The following INPP1 variants were observed in gnomAD, a reference collection of about 807,000 sequenced individuals.
INPP1 encodes inositol polyphosphate-1-phosphatase.
A neutral mutation model predicts 23.0 loss-of-function variants in INPP1; 18 were observed. The ratio of observed to expected loss-of-function variants is 0.78; its 90% CI spans 0.54 to 1.16. The LOEUF is 1.16. Ranked by LOEUF, INPP1 falls within the 50% of genes most tolerant of loss-of-function variation. INPP1 has a pLI of 0.00. For synonymous variants in INPP1, 164 were observed against 176.3 expected (o/e 0.93, Z 0.55); for missense variants, 448 against 482.1 (o/e 0.93, Z 0.66).
At chr2:190,353,912 C>T (rs1689369669) in intron 2 of INPP1, among the ~76,000 whole-genome samples, 1 of 152,170 alleles carries the variant, frequency 6.6e-6, no homozygotes, top group Non-Finnish European at 1.5e-5. Flanking sequence ...GTCTTAAGAA[C>T]CTTTTTTCCT....
intron 3 of INPP1, 144 bp downstream of exon 3, chr2:190,360,450 C>T (rs1689514410): frequency 1.6e-6 from 1 of 632,198 alleles, no homozygotes; most frequent in African/African-American, 1.8e-5. Flanking sequence ...TTTCTTCCTC[C>T]TTGTCATGAT....
Position 190,360,060 on chromosome 2 carries a change from G to A in INPP1, c.-43G>A. Reference sequence around the variant, plus strand: ...CCAGCTGACGGCCCAGAGGGTGGGTGCCAATTCCACCAGCAGCTGCAACTG... The same window carrying A: ...CCAGCTGACGGCCCAGAGGGTGGGTACCAATTCCACCAGCAGCTGCAACTG... On this transcript the variant is annotated 5_prime_UTR_variant, in exon 3 of 7. Coordinates refer to ENST00000392329, the MANE Select transcript of INPP1 (RefSeq NM_001128928.2). The A allele has an allele frequency of 5.0e-6, 8 of 1,592,514 alleles. No individual in the cohort carries two copies. The highest frequency in any genetic ancestry group is 6.9e-6 in the Non-Finnish European group (8 of 1,162,694).
intron 4 of INPP1, 45 bp from the exon 5 acceptor site, chr2:190,366,649 CT>C (rs765560460): frequency 1.5e-6 from 2 of 1,353,348 alleles, no homozygotes; most frequent in Non-Finnish European, 2.1e-6. Context: ...TCTTTCTCCA[CT>C]GAAACTCTTG....
At chr2:190,347,516 G>T (rs1231394807) in intron 1 of INPP1, among the ~76,000 whole-genome samples, 1 of 151,880 alleles carries the variant, frequency 6.6e-6, no homozygotes, top group African/African-American at 2.4e-5. Context: ...TCTTTACATT[G>T]CTTTTCTTTC....
chr2:190,353,873 T>C (rs1418095326), intron 2 of INPP1, among the ~76,000 whole-genome samples: 1 of 152,226 alleles, frequency 6.6e-6, no homozygotes, highest in Admixed American at 6.5e-5. Flanking sequence ...AGATTTATCT[T>C]TGTGGAGAGG....
rs1052164559 is a variant in INPP1, at chr2:190,354,405, C to T, written c.-65+5374C>T. Among the ~76,000 whole-genome samples the T allele has an allele frequency of 4.6e-5, 7 of 152,126 alleles. No homozygotes were observed. The highest frequency in any genetic ancestry group is 1.0e-4 in the Non-Finnish European group (7 of 68,018). Reference sequence around the variant, plus strand: ...ACTTCAAAATTCACATGTTGAAGCCCCAACCCCCAGTACCTCAGAATGGGA... The same window carrying T: ...ACTTCAAAATTCACATGTTGAAGCCTCAACCCCCAGTACCTCAGAATGGGA... On this transcript the variant is annotated intron_variant, in intron 2 of 6. Coordinates refer to ENST00000392329, the MANE Select transcript of INPP1 (RefSeq NM_001128928.2). This position sits in a 1 kb window ranked among gnomAD's most constrained non-coding sequence, Gnocchi z 4.8.
In INPP1 at chr2:190,362,669, G is replaced by A; in HGVS notation, c.247G>A (p.Glu83Lys). Residue 83 changes from glutamate (E) to lysine (K), a missense_variant, in exon 4 of 7, where the codon GAG becomes AAG. Transcript: ENST00000392329. ...EKNIFGEESN[E>K]FTNDWGEKIT... The stretch of plus-strand genomic sequence containing the variant: ...AAATATTTTTGGAGAAGAATCCAAT[G>A]AGTTTACTAATGACTGGGGTAAGTA... 1 of 1,602,372 alleles carries A rather than the reference G, an allele frequency of 6.2e-7. No individual in the cohort carries two copies. Among genetic ancestry groups the A allele is most frequent in the Non-Finnish European group, 8.5e-7 (1 of 1,170,990 alleles).
intron 4 of INPP1, 147 bp from the exon 5 acceptor site, chr2:190,366,548 G>A (rs944987938): frequency 2.6e-5 from 16 of 614,566 alleles, no homozygotes; most frequent in Non-Finnish European, 4.0e-5. Context: ...TCGCTCTTTC[G>A]CTCTGTCTCG....
Position 190,346,027 on chromosome 2 carries a change from A to T in INPP1, c.-209+2066A>T, listed in dbSNP as rs1689208765. 6.6e-6 allele frequency among the ~76,000 whole-genome samples: 1 copy of T among 152,122 alleles called. No homozygotes were observed. Among genetic ancestry groups the T allele is most frequent in the South Asian group, 2.1e-4 (1 of 4,822 alleles). Reference sequence around the variant, plus strand: ...AAAATTAAGTTAAAATTAAAAAAATAAAAGTTCTGCTTCCCGTCTCCTGTG... The same window carrying T: ...AAAATTAAGTTAAAATTAAAAAAATTAAAGTTCTGCTTCCCGTCTCCTGTG... On this transcript the variant is annotated intron_variant, in intron 1 of 6. Coordinates refer to ENST00000392329, the MANE Select transcript of INPP1 (RefSeq NM_001128928.2). The surrounding 1 kb of genome is among the most constrained non-coding windows in gnomAD (Gnocchi z 5.1).
chr2:190,344,998 A>G (rs1689187394), intron 1 of INPP1, among the ~76,000 whole-genome samples: 2 of 152,254 alleles, frequency 1.3e-5, no homozygotes, highest in African/African-American at 4.8e-5. Context: ...ACTACTCTTG[A>G]TTGGTGAATT....
Position 190,371,539 on chromosome 2 carries a change from T to A in INPP1, c.*137T>A. 3.7e-6 allele frequency: 2 copies of A among 538,376 alleles called. No homozygotes were observed. The highest frequency in any genetic ancestry group is 6.3e-6 in the Non-Finnish European group (2 of 319,136). 33.3% of individuals were successfully genotyped at this position (538,376 alleles called of 1,614,324 possible). A position where few individuals can be genotyped will look rare whatever the true frequency, so the allele number is the denominator to read the frequency against. On this transcript the variant is annotated 3_prime_UTR_variant, in exon 7 of 7. Transcript: ENST00000392329. The surrounding 1 kb of genome is among the most constrained non-coding windows in gnomAD (Gnocchi z 5.3). ...TTTTGAGGAGTATTTTTCCATTATG[T>A]ATTCATAATAATGTTAATTTCAATA...
rs1366246121 is a variant in INPP1, at chr2:190,354,539, C to T, written c.-64-5500C>T. 3.3e-5 allele frequency among the ~76,000 whole-genome samples: 5 copies of T among 152,182 alleles called. No individual in the cohort carries two copies. The highest frequency in any genetic ancestry group is 2.9e-5 in the Non-Finnish European group (2 of 68,038). On this transcript the variant is annotated intron_variant, in intron 2 of 6. Coordinates refer to ENST00000392329, the MANE Select transcript of INPP1 (RefSeq NM_001128928.2). The surrounding 1 kb of genome is among the most constrained non-coding windows in gnomAD (Gnocchi z 4.8). ...AAAAGGGAGACATGCCAGAGATTAA[C>T]GCCCACGATGGAAAGGCCAGGTGAG...
At position 190,352,833 on chromosome 2, in the gene INPP1, AAC is replaced by A. The variant is rs1407064990; in HGVS notation, c.-65+3805_-65+3806del. On this transcript the variant is annotated intron_variant, in intron 2 of 6. Transcript: ENST00000392329. The surrounding 1 kb of genome is among the most constrained non-coding windows in gnomAD (Gnocchi z 4.7). ...GGTCATGAGAAACACCTTCTTGTAAAACACCCAGATATTTCACGGAAGCTTGG... is the reference window on the plus strand; with the variant it reads ...GGTCATGAGAAACACCTTCTTGTAAAACCCAGATATTTCACGGAAGCTTGG... Among the ~76,000 whole-genome samples the A allele has an allele frequency of 6.6e-6, 1 of 152,158 alleles. No homozygotes were observed. Among genetic ancestry groups the A allele is most frequent in the Non-Finnish European group, 1.5e-5 (1 of 68,036 alleles).
chr2:190,369,642 T>C (rs1310824367), intron 6 of INPP1, among the ~76,000 whole-genome samples: 1 of 152,244 alleles, frequency 6.6e-6, no homozygotes, highest in Non-Finnish European at 1.5e-5. Context: ...CATCGCTGTA[T>C]AGCCAGTTGA....
Position 190,369,103 on chromosome 2 carries a change from A to G in INPP1, c.467A>G (p.Asp156Gly). The G allele has an allele frequency of 6.5e-7, 1 of 1,549,178 alleles. No homozygotes were observed. Among genetic ancestry groups the G allele is most frequent in the Non-Finnish European group, 8.8e-7 (1 of 1,138,456 alleles). ...DILGIWVDPI[D>G]STYQYIKGSA... ...CAAACACATTTGTTTCCTTTTTCAG[A>G]TTCAACTTATCAGTATATAAAAGGT... The change falls in exon 6 of 7, where the codon GAT (aspartate) becomes GGT (glycine). Residue 156 changes from aspartate (D) to glycine (G), a missense_variant and splice_region_variant. Coordinates refer to ENST00000392329, the MANE Select transcript of INPP1 (RefSeq NM_001128928.2).
In INPP1 at chr2:190,371,446, A is replaced by T; in HGVS notation, c.*44A>T. On this transcript the variant is annotated 3_prime_UTR_variant, in exon 7 of 7. Transcript: ENST00000392329. The surrounding 1 kb of genome is among the most constrained non-coding windows in gnomAD (Gnocchi z 5.3). ...GTACCTGTATAAACTGAACTGTGAAACTGTTTCGGTTATCTCTGTCTTTTG... is the reference window on the plus strand; with the variant it reads ...GTACCTGTATAAACTGAACTGTGAATCTGTTTCGGTTATCTCTGTCTTTTG... 7.1e-7 allele frequency: 1 copy of T among 1,412,972 alleles called. No individual in the cohort carries two copies. Among genetic ancestry groups the T allele is most frequent in the Non-Finnish European group, 9.4e-7 (1 of 1,059,432 alleles). 87.5% of individuals were successfully genotyped at this position (1,412,972 alleles called of 1,614,324 possible).
chr2:190,370,268 C>T (rs757595985), intron 6 of INPP1, among the ~76,000 whole-genome samples: 6 of 152,100 alleles, frequency 3.9e-5, no homozygotes, highest in African/African-American at 9.7e-5. Context: ...AAGCCTGTTT[C>T]CTTATCTGTA....
At position 190,371,176 on chromosome 2, in the gene INPP1, G is replaced by A. The variant is rs754767057; in HGVS notation, c.974G>A (p.Arg325Lys). Residue 325 changes from arginine (R) to lysine (K), a missense_variant, in exon 7 of 7, where the codon AGG becomes AAG. Transcript: ENST00000392329. This position sits in a 1 kb window ranked among gnomAD's most constrained non-coding sequence, Gnocchi z 5.3. Reference sequence around the variant, plus strand: ...TCTTGTGCTGCTCATGCCATACTGAGGGCCATGGGTGGGGGAATAGTAGAC... The same window carrying A: ...TCTTGTGCTGCTCATGCCATACTGAAGGCCATGGGTGGGGGAATAGTAGAC... ...WDSCAAHAIL[R>K]AMGGGIVDLK... The A allele has an allele frequency of 3.1e-6, 5 of 1,614,062 alleles. No individual in the cohort carries two copies. The highest frequency in any genetic ancestry group is 1.7e-5 in the Admixed American group (1 of 60,020).
chr2:190,343,671 T>TCCACGCCGCGGTC lies in INPP1; in HGVS notation c.-496_-484dup, dbSNP rs1469767515. ...GAGCCCCGAGGCGGCAGCGCGCGTT[T>TCCACGCCGCGGTC]CCACGCCGCGGTCCCGCGGGAAAGC... On this transcript the variant is annotated 5_prime_UTR_variant, in exon 1 of 7. Transcript: ENST00000392329. 6.6e-6 allele frequency: 1 copy of TCCACGCCGCGGTC among 152,008 alleles called. No individual in the cohort carries two copies. Among genetic ancestry groups the TCCACGCCGCGGTC allele is most frequent in the Non-Finnish European group, 1.5e-5 (1 of 67,984 alleles). The allele number at this position is 152,008 out of a possible 1,614,324, so 9.4% of individuals were successfully genotyped here.
Sources: allele counts gnomAD v4.1 joint callset (sites outside exome capture counted in the v4.1 genomes callset), GRCh38; gene constraint gnomAD v4.1.1; non-coding constraint Gnocchi (gnomAD v3.1); transcripts MANE v1.5; gene names NCBI Gene and HGNC (gene_info 2026-07-23, HGNC 2026-07-21).